SLC25A13: variants seen among roughly 807,000 people sequenced by gnomAD.
The protein encoded by SLC25A13 is solute carrier family 25 member 13.
Under a neutral mutation model 85.5 loss-of-function variants are expected in SLC25A13, and 70 were observed. The ratio of observed to expected loss-of-function variants is 0.82; its 90% CI spans 0.68 to 1.00. The LOEUF is 1.00. Ranked by LOEUF, SLC25A13 falls within the 50% of genes least tolerant of loss-of-function variation. SLC25A13 has a pLI of 0.00. For synonymous variants in SLC25A13, 259 were observed against 288.7 expected (o/e 0.90, Z 1.04); for missense variants, 765 against 819.8 (o/e 0.93, Z 0.82).
chr7:96,246,696 C>A (rs73710259), intron 3 of SLC25A13, among the ~76,000 whole-genome samples: 1,882 of 152,258 alleles, frequency 0.012, 39 homozygotes, highest in African/African-American at 0.043. Context: ...TTTGGATACA[C>A]ACAAAACCTC....
At chr7:96,211,871 C>G (rs1022561146) in intron 4 of SLC25A13, among the ~76,000 whole-genome samples, 1 of 152,146 alleles carries the variant, frequency 6.6e-6, no homozygotes, top group African/African-American at 2.4e-5. Flanking sequence ...CTGATTTAAA[C>G]ATGTTGAGGG....
At chr7:96,171,948 A>AC (rs1794019329) in intron 11 of SLC25A13, among the ~76,000 whole-genome samples, 1 of 151,812 alleles carries the variant, frequency 6.6e-6, no homozygotes, top group Admixed American at 6.6e-5. Flanking sequence ...TTCTTCTTAA[A>AC]GAAAAAAAAA....
intron 3 of SLC25A13, among the ~76,000 whole-genome samples, chr7:96,240,586 T>C (rs1442168724): frequency 6.6e-6 from 1 of 151,454 alleles, no homozygotes; most frequent in Non-Finnish European, 1.5e-5. Flanking sequence ...GAACAGAAAA[T>C]ACAGTGCCGG....
intron 1 of SLC25A13, among the ~76,000 whole-genome samples, chr7:96,308,525 A>C (rs1799842413): frequency 6.6e-6 from 1 of 152,200 alleles, no homozygotes; most frequent in South Asian, 2.1e-4. Context: ...CTGGCTCCCT[A>C]CCTTTCATCT....
intron 9 of SLC25A13, among the ~76,000 whole-genome samples, chr7:96,186,289 C>A (rs893396526): frequency 6.6e-6 from 1 of 151,946 alleles, no homozygotes; most frequent in Non-Finnish European, 1.5e-5. Flanking sequence ...ATTAGCCGGA[C>A]GTGGTGGCGC....
At chr7:96,304,695 C>T (rs1275654517) in intron 1 of SLC25A13, among the ~76,000 whole-genome samples, 8 of 152,122 alleles carry the variant, frequency 5.3e-5, no homozygotes, top group Admixed American at 1.3e-4. Context: ...AACTACCCCA[C>T]CCCCCAGCTA....
intron 13 of SLC25A13, among the ~76,000 whole-genome samples, chr7:96,151,393 T>G (rs1170284668): frequency 6.6e-6 from 1 of 151,020 alleles, no homozygotes; most frequent in Non-Finnish European, 1.5e-5. Context: ...AGGTCAGGAG[T>G]TCAGGATAAG....
chr7:96,226,843 A>C (rs1291372775), intron 4 of SLC25A13, among the ~76,000 whole-genome samples: 1 of 152,088 alleles, frequency 6.6e-6, no homozygotes, highest in Non-Finnish European at 1.5e-5. Flanking sequence ...TTGGTTACAA[A>C]TGACTAGGCA....
intron 2 of SLC25A13, among the ~76,000 whole-genome samples, chr7:96,278,877 T>C (rs1406349290): frequency 2.6e-5 from 4 of 152,220 alleles, no homozygotes; most frequent in Non-Finnish European, 5.9e-5. Context: ...AAAGGAAATA[T>C]CACTGCTAAT....
Position 96,120,699 on chromosome 7 carries a change from G to A in SLC25A13, c.*492C>T, listed in dbSNP as rs965839734. On this transcript the variant is annotated 3_prime_UTR_variant, in exon 18 of 18. Transcript: ENST00000265631. Reference sequence around the variant, plus strand: ...TAATCCAGAGACAGAATTTGTGCATGCTTACAATTTGAAGCCAGGCTGAAT... The same window carrying A: ...TAATCCAGAGACAGAATTTGTGCATACTTACAATTTGAAGCCAGGCTGAAT... 2 of 454,464 alleles carry A rather than the reference G, an allele frequency of 4.4e-6. No homozygotes were observed. Among genetic ancestry groups the A allele is most frequent in the Admixed American group, 2.3e-5 (1 of 42,562 alleles). 28.2% of individuals were successfully genotyped at this position (454,464 alleles called of 1,614,324 possible).
chr7:96,140,846 T>C (rs911878828), intron 14 of SLC25A13, among the ~76,000 whole-genome samples: 2 of 151,924 alleles, frequency 1.3e-5, no homozygotes, highest in African/African-American at 4.8e-5. Context: ...ATTAGTGATG[T>C]TGAAAATTTT....
At chr7:96,239,103 G>A (rs1242172603) in intron 3 of SLC25A13, among the ~76,000 whole-genome samples, 12 of 144,644 alleles carry the variant, frequency 8.3e-5, no homozygotes, top group African/African-American at 3.1e-4. Flanking sequence ...GTCTGGCAAT[G>A]TTAATGTTTC....
intron 2 of SLC25A13, among the ~76,000 whole-genome samples, chr7:96,288,750 G>A (rs940729743): frequency 6.6e-6 from 1 of 152,166 alleles, no homozygotes; most frequent in Non-Finnish European, 1.5e-5. Context: ...TGAGGCTTGA[G>A]TAGTAAACAA....
intron 5 of SLC25A13, among the ~76,000 whole-genome samples, chr7:96,203,483 T>A (rs1306338733): frequency 6.6e-6 from 1 of 152,182 alleles, no homozygotes; most frequent in African/African-American, 2.4e-5. Flanking sequence ...AGAAAACTTC[T>A]TTAGGCTTCT....
chr7:96,308,752 T>C (rs78338035), intron 1 of SLC25A13, among the ~76,000 whole-genome samples: 3,152 of 152,098 alleles, frequency 0.021, 68 homozygotes, highest in African/African-American at 0.055. Flanking sequence ...TGAATATAAA[T>C]CAGTTAAACA....
intron 2 of SLC25A13, among the ~76,000 whole-genome samples, chr7:96,289,849 CAGG>C (rs1799044874): frequency 2.0e-5 from 3 of 152,122 alleles, no homozygotes; most frequent in African/African-American, 7.2e-5. Context: ...GGATAATATC[CAGG>C]AGAACTTCCC....
chr7:96,306,588 T>C (rs1238815179), intron 1 of SLC25A13, among the ~76,000 whole-genome samples: 1 of 151,978 alleles, frequency 6.6e-6, no homozygotes, highest in Admixed American at 6.6e-5. Context: ...CTTGGGCCTA[T>C]GTGGCCAGAC....
rs777248648 is a variant in SLC25A13 at position 96,185,041 on chromosome 7, A to G, written c.934-30T>C. 15 of 1,568,428 alleles carry G rather than the reference A, an allele frequency of 9.6e-6. No individual in the cohort carries two copies. The highest frequency in any genetic ancestry group is 2.7e-5 in the African/African-American group (2 of 73,360). On this transcript the variant is annotated intron_variant, in intron 9 of 17. Transcript: ENST00000265631. ...TTTGCATGCACAGGAATCAGAGAGC[A>G]GGAAAACAGGTGACAGAAAAGAAGA...
intron 1 of SLC25A13, chr7:96,306,697 C>G: frequency 1.2e-6 from 1 of 828,806 alleles, no homozygotes; most frequent in Non-Finnish European, 1.8e-6. Context: ...AGCAGCCAAA[C>G]GGTGAGCTTA....
Sources: gnomAD v4.1 joint callset for allele counts (sites outside exome capture counted in the v4.1 genomes callset) on GRCh38, gnomAD v4.1.1 for gene constraint, MANE v1.5 for transcripts, NCBI Gene and HGNC (gene_info 2026-07-23, HGNC 2026-07-21) for gene names.